The following HNRNPC variants were observed in gnomAD, a reference collection of about 807,000 sequenced individuals.
HNRNPC encodes heterogeneous nuclear ribonucleoprotein C, also known as heterogeneous nuclear ribonucleoproteins C1/C2.
HNRNPC carries 3 observed loss-of-function variants against 33.2 expected under a neutral mutation model. The ratio of observed to expected loss-of-function variants is 0.09; its 90% CI spans 0.04 to 0.23. The LOEUF is 0.23. Ranked by LOEUF, HNRNPC falls within the 10% of genes least tolerant of loss-of-function variation. HNRNPC has a pLI of 1.00. For missense variants in HNRNPC, 143 were observed against 366.7 expected (o/e 0.39, Z 4.98); for synonymous variants, 121 against 126.7 (o/e 0.96, Z 0.30).
chr14:21,246,523 C>T (rs535390622), intron 2 of HNRNPC, among the ~76,000 whole-genome samples: 9 of 150,618 alleles, frequency 6.0e-5, no homozygotes, highest in African/African-American at 1.7e-4. Context: ...CTGGAGATTG[C>T]GCCACTGCAC....
chr14:21,217,260 TGTG>T (rs1892294531), intron 5 of HNRNPC, among the ~76,000 whole-genome samples: 1 of 152,226 alleles, frequency 6.6e-6, no homozygotes, highest in South Asian at 2.1e-4. Flanking sequence ...TTTTGTAGCT[TGTG>T]TTTTATTTCT....
At chr14:21,225,157 A>G (rs1893276301) in intron 5 of HNRNPC, among the ~76,000 whole-genome samples, 1 of 152,060 alleles carries the variant, frequency 6.6e-6, no homozygotes, top group Non-Finnish European at 1.5e-5. Flanking sequence ...ACGATGGCTC[A>G]CATCTGTAAT....
chr14:21,260,512 C>CT (rs1346614193), intron 2 of HNRNPC, among the ~76,000 whole-genome samples: 2 of 151,760 alleles, frequency 1.3e-5, no homozygotes, highest in African/African-American at 4.8e-5. Flanking sequence ...TGCATGCTTT[C>CT]TTTTTTTAAA....
chr14:21,216,321 A>G (rs1240272022), intron 5 of HNRNPC, among the ~76,000 whole-genome samples: 2 of 152,180 alleles, frequency 1.3e-5, no homozygotes, highest in African/African-American at 4.8e-5. Context: ...ACCAGAGTAG[A>G]CGTTAATCTA....
intron 5 of HNRNPC, among the ~76,000 whole-genome samples, chr14:21,230,101 G>T (rs1893948255): frequency 6.6e-6 from 1 of 152,084 alleles, no homozygotes; most frequent in Admixed American, 6.6e-5. Flanking sequence ...GTAGAAACGG[G>T]TTTCACCACG....
intron 2 of HNRNPC, among the ~76,000 whole-genome samples, chr14:21,250,195 G>A (rs1225398707): frequency 6.6e-6 from 1 of 151,948 alleles, no homozygotes; most frequent in Non-Finnish European, 1.5e-5. Context: ...AGAGGTTGCA[G>A]TGAGCCGAGA....
chr14:21,211,655 A>C, intron 7 of HNRNPC, 89 bp from the exon 8 acceptor site: 2 of 1,481,474 alleles, frequency 1.4e-6, no homozygotes, highest in Admixed American at 2.0e-5. Context: ...ACTGCAGCAC[A>C]AATCTAAATC....
intron 5 of HNRNPC, among the ~76,000 whole-genome samples, chr14:21,221,117 C>G (rs566280228): frequency 6.6e-6 from 1 of 152,246 alleles, no homozygotes; most frequent in East Asian, 1.9e-4. Context: ...AAAAACACAG[C>G]TATTGTGCCT....
chr14:21,219,195 A>T (rs908540820), intron 5 of HNRNPC, among the ~76,000 whole-genome samples: 1 of 152,116 alleles, frequency 6.6e-6, no homozygotes, highest in Non-Finnish European at 1.5e-5. Flanking sequence ...GAAGAGTAAG[A>T]AGTTCTTTCA....
rs372633026 is a variant in HNRNPC at position 21,211,211 on chromosome 14, C to A, written c.*12G>T. The A allele has an allele frequency of 8.6e-5, 138 of 1,612,538 alleles. 1 individual carries two copies. In the African/African-American group the frequency reaches 1.4e-3, roughly 16 times the overall value. On this transcript the variant is annotated 3_prime_UTR_variant, in exon 9 of 9. Coordinates refer to ENST00000553300, the MANE Select transcript of HNRNPC (RefSeq NM_004500.4). ...AAATAATGGGATAAGATTTCTAAACCCCACTATGTGCTTAAGAGTCATCCT... is the reference window on the plus strand; with the variant it reads ...AAATAATGGGATAAGATTTCTAAACACCACTATGTGCTTAAGAGTCATCCT...
At chr14:21,228,152 TCAGA>T (rs1893687806) in intron 5 of HNRNPC, among the ~76,000 whole-genome samples, 1 of 152,212 alleles carries the variant, frequency 6.6e-6, no homozygotes. Flanking sequence ...GGCAGATGCT[TCAGA>T]CAAACTCACT....
chr14:21,239,873 CAA>C (rs1250729792), intron 2 of HNRNPC, among the ~76,000 whole-genome samples: 8 of 152,046 alleles, frequency 5.3e-5, no homozygotes, highest in African/African-American at 1.7e-4. Context: ...GACTGGGTCT[CAA>C]GAGAGAAAAA....
chr14:21,217,820 T>G (rs1892353589), intron 5 of HNRNPC, among the ~76,000 whole-genome samples: 1 of 152,236 alleles, frequency 6.6e-6, no homozygotes, highest in Admixed American at 6.5e-5. Flanking sequence ...GACATCTTAA[T>G]GAAATGTTGC....
chr14:21,266,124 G>T (rs1878935763), intron 1 of HNRNPC, among the ~76,000 whole-genome samples: 1 of 152,074 alleles, frequency 6.6e-6, no homozygotes, highest in South Asian at 2.1e-4. Context: ...TCATTTTTTT[G>T]AGATGGGGTC....
rs150995304 is a variant in HNRNPC, at chr14:21,222,470, G to A, written c.365+7849C>T. On this transcript the variant is annotated intron_variant, in intron 5 of 8. Transcript: ENST00000553300. ...GTGTGTCTTGTGACTGGCTTTGTCT[G>A]CTTAGAATATTTTCATGGTTCATCC... 1.4e-3 allele frequency among the ~76,000 whole-genome samples: 218 copies of A among 151,856 alleles called. 3 individuals carry two copies. Among genetic ancestry groups the A allele is most frequent in the African/African-American group, 5.1e-3 (211 of 41,152 alleles).
At chr14:21,259,928 G>A (rs1313588119) in intron 2 of HNRNPC, among the ~76,000 whole-genome samples, 15 of 149,638 alleles carry the variant, frequency 1.0e-4, no homozygotes, top group Non-Finnish European at 5.9e-5. Context: ...GGCCGGGCGC[G>A]GTGGCTCACG....
intron 2 of HNRNPC, among the ~76,000 whole-genome samples, chr14:21,241,373 T>A (rs1895326030): frequency 1.3e-5 from 2 of 152,140 alleles, no homozygotes; most frequent in South Asian, 4.2e-4. Context: ...TATGTAAAAT[T>A]TCCCTTCTTT....
chr14:21,216,095 T>A (rs1475794838), intron 5 of HNRNPC, among the ~76,000 whole-genome samples: 6 of 70,446 alleles, frequency 8.5e-5, no homozygotes, highest in East Asian at 4.2e-4. Context: ...GGCGACAGAG[T>A]AAAAACTTTT....
At chr14:21,258,904 T>C (rs944078254) in intron 2 of HNRNPC, among the ~76,000 whole-genome samples, 1 of 152,196 alleles carries the variant, frequency 6.6e-6, no homozygotes, top group Non-Finnish European at 1.5e-5. Context: ...CCTACTCTAA[T>C]AGGTCTCCAA....
Sources: gnomAD v4.1 joint callset for allele counts (sites outside exome capture counted in the v4.1 genomes callset) on GRCh38, gnomAD v4.1.1 for gene constraint, MANE v1.5 for transcripts, NCBI Gene and HGNC (gene_info 2026-07-23, HGNC 2026-07-21) for gene names.